ITGBL1: variants seen among roughly 807,000 people sequenced by gnomAD.
ITGBL1 encodes the protein integrin subunit beta like 1.
Under a neutral mutation model 68.5 loss-of-function variants are expected in ITGBL1, and 51 were observed. The ratio of observed to expected loss-of-function variants is 0.74; its 90% CI spans 0.59 to 0.94. The LOEUF (loss-of-function observed/expected upper bound fraction) is 0.94, where lower values mean the gene tolerates loss of function less well. Among genes scored for constraint, ITGBL1 ranks in the 40% least tolerant of loss-of-function variants. The pLI, the probability that ITGBL1 is intolerant of heterozygous loss-of-function variation, is 0.00. For missense variants in ITGBL1, 649 were observed against 647.4 expected, an observed-to-expected ratio of 1.00 and a Z score of -0.03; for synonymous variants, 209 against 227.3, an observed-to-expected ratio of 0.92 and a Z score of 0.72.
At position 101,452,838 on chromosome 13, in the gene ITGBL1, G is replaced by T; in HGVS notation, c.5G>T (p.Arg2Leu). 1 of 1,613,894 alleles carries T rather than the reference G, an allele frequency of 6.2e-7. No homozygotes were observed. The highest frequency in any genetic ancestry group is 8.5e-7 in the Non-Finnish European group (1 of 1,179,878). Residue 2 changes from arginine (R) to leucine (L), a missense_variant, in exon 1 of 11, where the codon CGT (arginine) becomes CTT (leucine). Physicochemically the swap from Arg to Leu is moderately radical, Grantham distance 102. Transcript: ENST00000376180. ...GGAGCAGCCCAGGAGCTCAGCATGC[G>T]TCCCCCAGGCTTCAGGAACTTCTTG... M[R>L]PPGFRNFLLL...
intron 2 of ITGBL1, among the ~76,000 whole-genome samples, chr13:101,525,172 T>C (rs2049353208): frequency 6.6e-6 from 1 of 152,162 alleles, no homozygotes; most frequent in Non-Finnish European, 1.5e-5. Flanking sequence ...TGTTCATATA[T>C]AGACTTTACC....
chr13:101,575,405 T>A lies in ITGBL1; in HGVS notation c.464-19T>A. ...TTATGTGCATGTAACAAACAGTCTT[T>A]TTTGTTTTCATGGTTTAGGTACATG... On this transcript the variant is annotated intron_variant, in intron 3 of 10. Coordinates refer to ENST00000376180, the MANE Select transcript of ITGBL1 (RefSeq NM_004791.3). 6.2e-7 allele frequency: 1 copy of A among 1,607,064 alleles called. No individual in the cohort carries two copies. The highest frequency in any genetic ancestry group is 8.5e-7 in the Non-Finnish European group (1 of 1,176,098).
chr13:101,632,433 A>T (rs2032016657), intron 7 of ITGBL1, among the ~76,000 whole-genome samples: 1 of 152,234 alleles, frequency 6.6e-6, no homozygotes, highest in Admixed American at 6.5e-5. Flanking sequence ...TGTAAAGCCC[A>T]GAACTCTCAT....
downstream of ITGBL1, chr13:101,717,321 T>G (rs1594013325): frequency 6.6e-6 from 1 of 152,160 alleles, no homozygotes. Context: ...GTTATCTCTA[T>G]CCTGAGATTA....
At chr13:101,478,889 A>C (rs1451318756) in intron 2 of ITGBL1, among the ~76,000 whole-genome samples, 1 of 152,112 alleles carries the variant, frequency 6.6e-6, no homozygotes, top group Non-Finnish European at 1.5e-5. Flanking sequence ...TACTACCCAA[A>C]GCAATCTACA....
intron 2 of ITGBL1, among the ~76,000 whole-genome samples, chr13:101,544,048 C>T (rs2049767847): frequency 1.3e-5 from 2 of 152,218 alleles, no homozygotes; most frequent in Admixed American, 6.5e-5. Flanking sequence ...CTTCTTCTCT[C>T]AACTCATCAA....
At position 101,578,530 on chromosome 13, in the gene ITGBL1, G is replaced by A. The variant is rs138656748; in HGVS notation, c.587-757G>A. Among the ~76,000 whole-genome samples, 255 of 152,308 alleles carry A rather than the reference G, an allele frequency of 1.7e-3. 2 individuals are homozygous for A. Among genetic ancestry groups the A allele is most frequent in the African/African-American group, 5.9e-3 (244 of 41,574 alleles). On this transcript the variant is annotated intron_variant, in intron 4 of 10. Transcript: ENST00000376180. Reference sequence around the variant, plus strand: ...GGATTGCTAGGTGTGGATGAGGAAAGCAATGGTGCGATAATTCACTACAGA... The same window carrying A: ...GGATTGCTAGGTGTGGATGAGGAAAACAATGGTGCGATAATTCACTACAGA...
intron 4 of ITGBL1, among the ~76,000 whole-genome samples, chr13:101,576,614 G>C (rs1270129586): frequency 6.6e-6 from 1 of 152,140 alleles, no homozygotes; most frequent in African/African-American, 2.4e-5. Context: ...GGGCCACGTG[G>C]AACCAGAGAA....
intron 8 of ITGBL1, among the ~76,000 whole-genome samples, chr13:101,705,411 G>A (rs1037190287): frequency 2.7e-5 from 4 of 150,832 alleles, no homozygotes; most frequent in African/African-American, 7.3e-5. Context: ...TACTTACCAC[G>A]TCCTACCGAT....
chr13:101,544,590 G>A (rs1016531856), intron 2 of ITGBL1, among the ~76,000 whole-genome samples: 1 of 152,192 alleles, frequency 6.6e-6, no homozygotes, highest in Admixed American at 6.5e-5. Context: ...CTATCAGACA[G>A]GGACATTTAA....
chr13:101,519,408 G>T (rs986801197), intron 2 of ITGBL1, among the ~76,000 whole-genome samples: 1 of 152,044 alleles, frequency 6.6e-6, no homozygotes, highest in East Asian at 1.9e-4. Context: ...AATCTAAGTA[G>T]TCATATGTGG....
In ITGBL1 at chr13:101,575,555, A is replaced by G. The variant is rs371251186; in HGVS notation, c.586+9A>G. 23 of 1,610,092 alleles carry G rather than the reference A, an allele frequency of 1.4e-5. No individual in the cohort carries two copies. The highest frequency in any genetic ancestry group is 1.9e-5 in the Non-Finnish European group (22 of 1,177,468). ...AGAAGAAATATGTGGAGGTATGTATATTGGCTCTGTAGAAATTAATAAAAG... is the reference window on the plus strand; with the variant it reads ...AGAAGAAATATGTGGAGGTATGTATGTTGGCTCTGTAGAAATTAATAAAAG... On this transcript the variant is annotated intron_variant, in intron 4 of 10. Coordinates refer to ENST00000376180, the MANE Select transcript of ITGBL1 (RefSeq NM_004791.3).
intron 7 of ITGBL1, among the ~76,000 whole-genome samples, chr13:101,611,391 T>TA (rs1384121089): frequency 5.9e-5 from 9 of 152,200 alleles, no homozygotes; most frequent in African/African-American, 1.9e-4. Context: ...TTTACTTAAC[T>TA]ACTGACAGAA....
chr13:101,633,189 G>A (rs2032045666), intron 7 of ITGBL1, among the ~76,000 whole-genome samples: 2 of 152,060 alleles, frequency 1.3e-5, no homozygotes, highest in African/African-American at 2.4e-5. Context: ...ATCACAGTTG[G>A]GACCACCGTC....
intron 6 of ITGBL1, among the ~76,000 whole-genome samples, chr13:101,591,251 A>G (rs757040544): frequency 2.6e-5 from 4 of 152,244 alleles, no homozygotes; most frequent in Non-Finnish European, 5.9e-5. Context: ...ATAGAACCCA[A>G]CAACCTATGA....
chr13:101,604,867 T>TACAC (rs2030609808), intron 7 of ITGBL1, among the ~76,000 whole-genome samples: 1 of 19,566 alleles, frequency 5.1e-5, no homozygotes, highest in Non-Finnish European at 1.3e-4. Flanking sequence ...TATATATATA[T>TACAC]ATATATATAT....
chr13:101,558,453 CT>C (rs1455744383), intron 2 of ITGBL1, among the ~76,000 whole-genome samples: 6 of 152,150 alleles, frequency 3.9e-5, no homozygotes, highest in African/African-American at 7.2e-5. Flanking sequence ...CTGCTACCCC[CT>C]GAATCTAAAT....
intron 8 of ITGBL1, among the ~76,000 whole-genome samples, chr13:101,699,816 G>T (rs2034093020): frequency 6.6e-6 from 1 of 152,208 alleles, no homozygotes; most frequent in Non-Finnish European, 1.5e-5. Context: ...ACACAGTCGT[G>T]TTGGTGAGAC....
intron 6 of ITGBL1, among the ~76,000 whole-genome samples, chr13:101,591,455 C>T (rs1341305440): frequency 6.6e-6 from 1 of 152,140 alleles, no homozygotes; most frequent in Non-Finnish European, 1.5e-5. Context: ...AAATGAGCAT[C>T]TGAATTGAAT....
Sources: allele counts gnomAD v4.1 joint callset (sites outside exome capture counted in the v4.1 genomes callset), GRCh38; gene constraint gnomAD v4.1.1; transcripts MANE v1.5; gene names NCBI Gene and HGNC (gene_info 2026-07-23, HGNC 2026-07-21).